Variants in FAM135A observed in about 807,000 individuals in gnomAD.
FAM135A encodes the protein protein FAM135A.
Under a neutral mutation model 146.8 loss-of-function variants are expected in FAM135A, and 79 were observed. The ratio of observed to expected loss-of-function variants is 0.54; its 90% CI spans 0.45 to 0.65. The LOEUF (loss-of-function observed/expected upper bound fraction) is 0.65, where lower values mean the gene tolerates loss of function less well. Among genes scored for constraint, FAM135A ranks in the 30% least tolerant of loss-of-function variants. The pLI, the probability that FAM135A is intolerant of heterozygous loss-of-function variation, is 0.00. For missense variants in FAM135A, 1,623 were observed against 1,758.2 expected (o/e 0.92, Z 1.38); for synonymous variants, 562 against 603.6 (o/e 0.93, Z 1.01).
At chr6:70,522,681 A>G in intron 13 of FAM135A, 95 bp downstream of exon 13, 1 of 900,124 alleles carries the variant, frequency 1.1e-6, no homozygotes. Flanking sequence ...TACAGTATTA[A>G]CAATATAAGA....
At chr6:70,463,640 C>G (rs1345532600) in intron 5 of FAM135A, among the ~76,000 whole-genome samples, 3 of 151,948 alleles carry the variant, frequency 2.0e-5, no homozygotes, top group African/African-American at 4.8e-5. Context: ...AAACAAACAT[C>G]AATCACCATT....
rs554780658 is a variant in FAM135A, at chr6:70,541,490, T to C, written c.4228+3089T>C. The stretch of plus-strand genomic sequence containing the variant: ...TGGGATCCACCTCTCCTGGTTTTTT[T>C]CCATCTTGGCTTTTTTTCTGCTTCC... On this transcript the variant is annotated intron_variant, in intron 20 of 21. Coordinates refer to ENST00000418814, the MANE Select transcript of FAM135A (RefSeq NM_001162529.3). Among the ~76,000 whole-genome samples, 3 of 152,302 alleles carry C rather than the reference T, an allele frequency of 2.0e-5. No individual in the cohort carries two copies. In the South Asian group the frequency reaches 6.2e-4, roughly 32 times the overall value.
intron 11 of FAM135A, among the ~76,000 whole-genome samples, chr6:70,495,069 T>G (rs1051854358): frequency 2.0e-5 from 3 of 152,214 alleles, no homozygotes; most frequent in African/African-American, 7.2e-5. Context: ...AAAAACTTGT[T>G]AGCTTCATTT....
At chr6:70,527,580 T>TATA (rs1276793637) in intron 15 of FAM135A, among the ~76,000 whole-genome samples, 2 of 152,140 alleles carry the variant, frequency 1.3e-5, no homozygotes, top group Non-Finnish European at 2.9e-5. Flanking sequence ...AGACTTTATA[T>TATA]ATTTTTGGCC....
At chr6:70,444,785 G>A (rs1397781764) in intron 4 of FAM135A, among the ~76,000 whole-genome samples, 1 of 152,006 alleles carries the variant, frequency 6.6e-6, no homozygotes, top group Non-Finnish European at 1.5e-5. Context: ...TGAACAAATG[G>A]TATTCAGGGA....
chr6:70,454,773 CTTTTGGTACCAGTGCCATGCTG>C (rs1336317411), intron 5 of FAM135A, among the ~76,000 whole-genome samples: 1 of 151,774 alleles, frequency 6.6e-6, no homozygotes, highest in Admixed American at 6.6e-5. Flanking sequence ...CTATCTCTCT[CTTTTGGTACCAGTGCCATGCTG>C]TTTTGGTACC....
intron 20 of FAM135A, among the ~76,000 whole-genome samples, chr6:70,555,728 AG>A (rs140142745): frequency 0.024 from 3,667 of 151,734 alleles, 142 homozygotes; most frequent in African/African-American, 0.083. Flanking sequence ...GTGAGAATGA[AG>A]GGGGGGGAGT....
At chr6:70,496,075 G>C (rs544370434) in intron 11 of FAM135A, among the ~76,000 whole-genome samples, 1 of 152,146 alleles carries the variant, frequency 6.6e-6, no homozygotes, top group South Asian at 2.1e-4. Flanking sequence ...CTTTACTGTT[G>C]TGAATAGTGC....
Position 70,533,781 on chromosome 6 carries a change from A to T in FAM135A, c.3892A>T (p.Ser1298Cys), listed in dbSNP as rs756184214. 6.3e-6 allele frequency: 10 copies of T among 1,587,558 alleles called. No homozygotes were observed. The highest frequency in any genetic ancestry group is 1.7e-4 in the Middle Eastern group (1 of 6,000). Residue 1298 changes from serine to cysteine, a missense_variant, in exon 18 of 22, where the codon AGC becomes TGC. Transcript: ENST00000418814. Reference sequence around the variant, plus strand: ...GAATGATACTTTTGCTGATTTTGATAGCATGACTGATCGTCTTTTGGATGA... The same window carrying T: ...GAATGATACTTTTGCTGATTTTGATTGCATGACTGATCGTCTTTTGGATGA... ...NQNDTFADFD[S>C]MTDRLLDEII...
chr6:70,417,259 CTTT>C (rs746838449), intron 2 of FAM135A, among the ~76,000 whole-genome samples: 1 of 141,212 alleles, frequency 7.1e-6, no homozygotes, highest in Non-Finnish European at 1.6e-5. Context: ...TAGACTGGGA[CTTT>C]TTTTTTTTTT....
chr6:70,478,002 A>G (rs1227254849), intron 8 of FAM135A, among the ~76,000 whole-genome samples: 2 of 152,094 alleles, frequency 1.3e-5, no homozygotes, highest in Non-Finnish European at 2.9e-5. Context: ...TTAAACTATA[A>G]TTACTCTGGA....
chr6:70,536,183 T>C, intron 18 of FAM135A, 77 bp from the exon 19 acceptor site: 1 of 1,386,428 alleles, frequency 7.2e-7, no homozygotes, highest in East Asian at 2.4e-5. Flanking sequence ...TTCACATCCA[T>C]TTTATAGTGG....
chr6:70,477,046 C>A, intron 7 of FAM135A, 113 bp from the exon 8 acceptor site: 2 of 1,134,032 alleles, frequency 1.8e-6, no homozygotes, highest in Non-Finnish European at 2.4e-6. Context: ...TACTCTTATT[C>A]GAAATTTTTA....
chr6:70,505,488 T>A (rs1006809628), intron 12 of FAM135A, among the ~76,000 whole-genome samples: 2 of 152,136 alleles, frequency 1.3e-5, no homozygotes, highest in Admixed American at 6.6e-5. Flanking sequence ...TTGTATTATA[T>A]TTCCCGGTGA....
At chr6:70,459,237 A>T (rs1358981066) in intron 5 of FAM135A, among the ~76,000 whole-genome samples, 1 of 152,146 alleles carries the variant, frequency 6.6e-6, no homozygotes, top group African/African-American at 2.4e-5. Context: ...AAATTTTACC[A>T]TAATTCGTAT....
chr6:70,467,528 T>C (rs1435702369), intron 5 of FAM135A, among the ~76,000 whole-genome samples: 1 of 152,120 alleles, frequency 6.6e-6, no homozygotes, highest in Admixed American at 6.6e-5. Flanking sequence ...TTCTTTTGTT[T>C]ATAAGGTGGA....
intron 13 of FAM135A, among the ~76,000 whole-genome samples, chr6:70,523,246 G>A (rs1032230818): frequency 2.0e-5 from 3 of 152,088 alleles, no homozygotes; most frequent in Non-Finnish European, 2.9e-5. Context: ...AGATGGAAAT[G>A]TTCTGTATCA....
intron 12 of FAM135A, among the ~76,000 whole-genome samples, chr6:70,519,079 A>C (rs1317188126): frequency 1.3e-5 from 2 of 152,244 alleles, no homozygotes; most frequent in Non-Finnish European, 2.9e-5. Context: ...GCCATTAAGA[A>C]CATTCATGAT....
chr6:70,445,102 TGTGGGAATACATAAACAAGG>T (rs1397352491), intron 4 of FAM135A, among the ~76,000 whole-genome samples: 2 of 152,150 alleles, frequency 1.3e-5, no homozygotes, highest in African/African-American at 4.8e-5. Flanking sequence ...TGGTGCTAAT[TGTGGGAATACATAAACAAGG>T]GTGGGAATAC....
Sources: allele counts gnomAD v4.1 joint callset (sites outside exome capture counted in the v4.1 genomes callset), GRCh38; gene constraint gnomAD v4.1.1; transcripts MANE v1.5; gene names NCBI Gene and HGNC (gene_info 2026-07-23, HGNC 2026-07-21).